WWC1: variants seen among roughly 807,000 people sequenced by gnomAD.
WWC1 encodes WW and C2 domain containing 1.
Under a neutral mutation model 138.4 loss-of-function variants are expected in WWC1, and 55 were observed. That is an observed-to-expected ratio of 0.40 (90% CI 0.32 to 0.50). The LOEUF (loss-of-function observed/expected upper bound fraction) is 0.50. Among genes scored for constraint, WWC1 ranks in the 20% least tolerant of loss-of-function variants. The probability of loss-of-function intolerance (pLI) is 0.72; values close to 1 mark genes in which losing one functional copy is unlikely to be tolerated. For synonymous variants in WWC1, 524 were observed against 564.9 expected (o/e 0.93, Z 1.03); for missense variants, 1,226 against 1,420.4 (o/e 0.86, Z 2.20).
rs770965585 is a variant in WWC1, at chr5:168,408,663, C to T, written c.867+10C>T. On this transcript the variant is annotated intron_variant, in intron 7 of 22. Transcript: ENST00000265293. ...AGACATCTCGGGAAGCGTGAGTAGA[C>T]GGGGCAGGTTGCTGGGGGCCTTCCA... 7 of 1,613,624 alleles carry T rather than the reference C, an allele frequency of 4.3e-6. No individual in the cohort carries two copies. Among genetic ancestry groups the T allele is most frequent in the Admixed American group, 3.3e-5 (2 of 60,000 alleles).
At chr5:168,406,455 G>A (rs1226957695) in intron 6 of WWC1, 128 bp downstream of exon 6, 4 of 1,397,474 alleles carry the variant, frequency 2.9e-6, no homozygotes, top group African/African-American at 1.4e-5. Flanking sequence ...TCTTCCTGGG[G>A]TTTTGGTTCC....
chr5:168,467,483 A>T (rs1757398784), intron 21 of WWC1, among the ~76,000 whole-genome samples: 1 of 152,194 alleles, frequency 6.6e-6, no homozygotes, highest in Non-Finnish European at 1.5e-5. Flanking sequence ...TAGTAGTCTG[A>T]CATTAAAGAA....
intron 1 of WWC1, among the ~76,000 whole-genome samples, chr5:168,326,374 C>T (rs891897944): frequency 5.3e-5 from 8 of 151,608 alleles, no homozygotes; most frequent in African/African-American, 9.7e-5. Flanking sequence ...TGTGCCACCA[C>T]GCCCAGCTAA....
intron 1 of WWC1, among the ~76,000 whole-genome samples, chr5:168,333,446 A>T (rs1036008651): frequency 1.3e-5 from 2 of 152,174 alleles, no homozygotes; most frequent in African/African-American, 2.4e-5. Flanking sequence ...ATGCCTGAGA[A>T]TGCACCCTTG....
chr5:168,417,740 G>A (rs899858219), intron 9 of WWC1, among the ~76,000 whole-genome samples: 1 of 152,216 alleles, frequency 6.6e-6, no homozygotes, highest in Non-Finnish European at 1.5e-5. Flanking sequence ...GCAGCTCGGA[G>A]GGCCTGGTAG....
chr5:168,403,727 G>A (rs1779564863), intron 5 of WWC1, among the ~76,000 whole-genome samples: 1 of 152,076 alleles, frequency 6.6e-6, no homozygotes, highest in African/African-American at 2.4e-5. Flanking sequence ...GCCCTGCCGT[G>A]CCCAGGCAGG....
chr5:168,409,239 G>A (rs558065968), intron 7 of WWC1, among the ~76,000 whole-genome samples: 2 of 152,302 alleles, frequency 1.3e-5, no homozygotes, highest in Admixed American at 6.5e-5. Flanking sequence ...AACATTGAAC[G>A]AATCTGCCTT....
chr5:168,339,833 T>TCTTTCTTTCTTTCTTTC (rs879455950), intron 1 of WWC1, among the ~76,000 whole-genome samples: 825 of 25,108 alleles, frequency 0.033, 22 homozygotes, highest in African/African-American at 0.078. Context: ...TTTCTTTCTT[T>TCTTTCTTTCTTTCTTTC]TTCTTTTCTT....
At position 168,431,432 on chromosome 5, in the gene WWC1, G is replaced by A. The variant is rs752351155; in HGVS notation, c.2268G>A (p.Leu756=). 4.3e-6 allele frequency: 7 copies of A among 1,611,134 alleles called. No homozygotes were observed. In the South Asian group the frequency reaches 7.7e-5, roughly 18 times the overall value. The change falls in exon 15 of 23, where the codon CTG becomes CTA. Residue 756 remains leucine (L), a synonymous_variant. Transcript: ENST00000265293. The part of the protein sequence containing the change: ...VDVCTTDRSH[L]EECLGGAQIS... Reference sequence around the variant, plus strand: ...TCTGTACCACCGACAGGAGCCATCTGGAAGAGTGCCTGGTAAGGGCCGTGT... The same window carrying A: ...TCTGTACCACCGACAGGAGCCATCTAGAAGAGTGCCTGGTAAGGGCCGTGT...
chr5:168,371,350 C>T (rs1032981490), intron 1 of WWC1, 74 bp from the exon 2 acceptor site: 3 of 1,096,340 alleles, frequency 2.7e-6, no homozygotes, highest in Admixed American at 1.9e-5. Flanking sequence ...AAGCAGGAGG[C>T]ACAGGGAAGC....
intron 18 of WWC1, 139 bp downstream of exon 18, chr5:168,454,239 T>C (rs900864979): frequency 3.1e-6 from 4 of 1,292,260 alleles, no homozygotes; most frequent in South Asian, 3.0e-5. Context: ...GAGTGGCCTT[T>C]GGGTCATTCT....
chr5:168,421,987 G>T (rs762547724), intron 9 of WWC1, 21 bp from the exon 10 acceptor site: 4 of 1,603,628 alleles, frequency 2.5e-6, no homozygotes, highest in Non-Finnish European at 2.6e-6. Flanking sequence ...TGCATCCCTC[G>T]CATGCTTTCT....
At chr5:168,339,659 G>A (rs1773804481) in intron 1 of WWC1, among the ~76,000 whole-genome samples, 1 of 152,156 alleles carries the variant, frequency 6.6e-6, no homozygotes, top group African/African-American at 2.4e-5. Context: ...GGTACTGTTT[G>A]TAACTTAGCA....
intron 15 of WWC1, among the ~76,000 whole-genome samples, chr5:168,433,240 C>T (rs111691925): frequency 1.5e-3 from 222 of 152,364 alleles, no homozygotes; most frequent in African/African-American, 4.8e-3. Context: ...ACCTGGAGCT[C>T]TGGCTAAATG....
At position 168,325,210 on chromosome 5, in the gene WWC1, C is replaced by T. The variant is rs528026381; in HGVS notation, c.119+32939C>T. Reference sequence around the variant, plus strand: ...GGCCCTGGGGCCTTCTGATAGGAGCCCCTACCAACAGCTCCCACAGGGTAC... The same window carrying T: ...GGCCCTGGGGCCTTCTGATAGGAGCTCCTACCAACAGCTCCCACAGGGTAC... On this transcript the variant is annotated intron_variant, in intron 1 of 22. Coordinates refer to ENST00000265293, the MANE Select transcript of WWC1 (RefSeq NM_015238.3). 2.1e-4 allele frequency among the ~76,000 whole-genome samples: 32 copies of T among 152,330 alleles called. No individual in the cohort carries two copies. The East Asian group carries it at 5.2e-3, about 25-fold the overall frequency.
intron 1 of WWC1, among the ~76,000 whole-genome samples, chr5:168,327,959 A>T (rs953777444): frequency 6.6e-6 from 1 of 152,184 alleles, no homozygotes; most frequent in South Asian, 2.1e-4. Flanking sequence ...ATGTGGGTGG[A>T]TGTGGACTTC....
rs115553588 is a variant in WWC1, at chr5:168,296,010, G to A, written c.119+3739G>A. On this transcript the variant is annotated intron_variant, in intron 1 of 22. Transcript: ENST00000265293. ...GGCCCTTCGGGAATCAGGTGCTGTGGATCAGGTCTGAACAGCACCTTGGAG... is the reference window on the plus strand; with the variant it reads ...GGCCCTTCGGGAATCAGGTGCTGTGAATCAGGTCTGAACAGCACCTTGGAG... Among the ~76,000 whole-genome samples, 194 of 152,348 alleles carry A rather than the reference G, an allele frequency of 1.3e-3. 1 individual carries two copies. The highest frequency in any genetic ancestry group is 4.4e-3 in the African/African-American group (185 of 41,578).
At chr5:168,380,732 A>C (rs993814731) in intron 2 of WWC1, among the ~76,000 whole-genome samples, 1 of 152,204 alleles carries the variant, frequency 6.6e-6, no homozygotes, top group Non-Finnish European at 1.5e-5. Context: ...TATTCATCAT[A>C]ATAATCCCTA....
chr5:168,403,014 C>CTTTCTTTCTT (rs1561712040), intron 5 of WWC1, among the ~76,000 whole-genome samples: 1 of 70,780 alleles, frequency 1.4e-5, no homozygotes, highest in Non-Finnish European at 3.0e-5. Context: ...CTTTTTCTTT[C>CTTTCTTTCTT]TTTCTTTCTT....
Sources: allele counts gnomAD v4.1 joint callset (sites outside exome capture counted in the v4.1 genomes callset), GRCh38; gene constraint gnomAD v4.1.1; transcripts MANE v1.5; gene names NCBI Gene and HGNC (gene_info 2026-07-23, HGNC 2026-07-21).